The following IL20RB variants were observed in gnomAD, a reference collection of about 807,000 sequenced individuals.
The protein encoded by IL20RB is interleukin-20 receptor subunit beta.
IL20RB carries 21 observed loss-of-function variants against 33.3 expected under a neutral mutation model. That is an observed-to-expected ratio of 0.63 (90% CI 0.45 to 0.91). IL20RB has a LOEUF of 0.91. Among genes scored for constraint, IL20RB ranks in the 40% least tolerant of loss-of-function variants. The pLI is 0.00. For synonymous variants in IL20RB, 147 were observed against 146.8 expected (o/e 1.00, Z -0.01); for missense variants, 345 against 384.8 (o/e 0.90, Z 0.86).
intron 1 of IL20RB, among the ~76,000 whole-genome samples, chr3:136,973,373 C>T (rs936410525): frequency 6.6e-6 from 1 of 151,468 alleles, no homozygotes; most frequent in East Asian, 1.9e-4. Context: ...TGCCTGTAAT[C>T]CCAGCTACTC....
At chr3:136,970,222 G>A (rs1348582720) in intron 1 of IL20RB, among the ~76,000 whole-genome samples, 1 of 151,830 alleles carries the variant, frequency 6.6e-6, no homozygotes, top group South Asian at 2.1e-4. Flanking sequence ...CTCTGAAGTA[G>A]CTGGGACTGT....
chr3:136,988,744 G>GA lies in IL20RB; in HGVS notation c.407-688dup, dbSNP rs1487487310. On this transcript the variant is annotated intron_variant, in intron 3 of 6. Coordinates refer to ENST00000329582, the MANE Select transcript of IL20RB (RefSeq NM_144717.4). ...TGGGTGACAGAGTGAGACCCTGTCT[G>GA]AAAAAAAAAGAAACAAGAAAAAAAA... Among the ~76,000 whole-genome samples the GA allele has an allele frequency of 1.6e-4, 23 of 147,134 alleles. No individual in the cohort carries two copies. In the East Asian group the frequency reaches 1.6e-3, roughly 10 times the overall value.
chr3:136,979,180 C>G (rs1176775103), intron 1 of IL20RB, among the ~76,000 whole-genome samples: 2 of 152,054 alleles, frequency 1.3e-5, no homozygotes, highest in East Asian at 3.9e-4. Flanking sequence ...GGGTGGGGGT[C>G]AGGAAGACTG....
intron 5 of IL20RB, 33 bp downstream of exon 5, chr3:136,992,121 C>A: frequency 6.2e-7 from 1 of 1,609,344 alleles, no homozygotes; most frequent in Non-Finnish European, 8.5e-7. Flanking sequence ...TGGAGCCCTG[C>A]ACAGGTGATA....
Position 136,958,200 on chromosome 3 carries a change from A to G in IL20RB, c.87A>G (p.Thr29=). ...FFYALIPCLL[T]DEVAILPAPQ... is the part of the protein sequence containing the mutation. Reference sequence around the variant, plus strand: ...ACGCATTGATTCCATGTTTGCTCACAGGTAAGTATGAATTAGAATACATCC... The same window carrying G: ...ACGCATTGATTCCATGTTTGCTCACGGGTAAGTATGAATTAGAATACATCC... Residue 29 remains threonine, a splice_region_variant and synonymous_variant, in exon 1 of 7, where the codon ACA becomes ACG. Transcript: ENST00000329582. 1.3e-6 allele frequency: 2 copies of G among 1,588,990 alleles called. No homozygotes were observed. Among genetic ancestry groups the G allele is most frequent in the Non-Finnish European group, 1.7e-6 (2 of 1,157,252 alleles).
At chr3:136,982,100 C>T in intron 2 of IL20RB, 60 bp from the exon 3 acceptor site, 1 of 1,284,976 alleles carries the variant, frequency 7.8e-7, no homozygotes, top group Non-Finnish European at 1.1e-6. Context: ...TTACTTGCAA[C>T]CATAACTGAG....
At chr3:136,976,626 T>C (rs1941624782) in intron 1 of IL20RB, among the ~76,000 whole-genome samples, 1 of 152,196 alleles carries the variant, frequency 6.6e-6, no homozygotes, top group Non-Finnish European at 1.5e-5. Flanking sequence ...CTGCAGCCCA[T>C]GCCTCATTTG....
intron 6 of IL20RB, among the ~76,000 whole-genome samples, chr3:137,009,269 G>T (rs1359215601): frequency 6.6e-6 from 1 of 152,226 alleles, no homozygotes; most frequent in Admixed American, 6.5e-5. Flanking sequence ...AACTGTAGAA[G>T]AACCTAGAGA....
At chr3:137,007,307 C>A (rs982686564) in intron 6 of IL20RB, among the ~76,000 whole-genome samples, 1 of 152,102 alleles carries the variant, frequency 6.6e-6, no homozygotes, top group East Asian at 1.9e-4. Context: ...CTGGGAGAAC[C>A]ACTGCTCTCT....
intron 3 of IL20RB, among the ~76,000 whole-genome samples, chr3:136,982,917 C>T (rs189211383): frequency 7.2e-5 from 11 of 152,236 alleles, no homozygotes; most frequent in Admixed American, 6.5e-4. Flanking sequence ...TGGCTGAGTA[C>T]AAGCACTGGT....
At chr3:136,961,871 A>G (rs1273753658) in intron 1 of IL20RB, among the ~76,000 whole-genome samples, 1 of 152,224 alleles carries the variant, frequency 6.6e-6, no homozygotes, top group African/African-American at 2.4e-5. Context: ...TTAAAAATCT[A>G]TTAATAAAAA....
chr3:137,010,052 A>G (rs1933046344), intron 6 of IL20RB, 61 bp from the exon 7 acceptor site: 6 of 794,610 alleles, frequency 7.6e-6, no homozygotes, highest in South Asian at 7.5e-5. Context: ...ATGTAATAAT[A>G]TTCTTTAGTA....
In IL20RB at chr3:136,998,608, TA is replaced by T. The variant is rs1391966472; in HGVS notation, c.825+3053del. On this transcript the variant is annotated intron_variant, in intron 6 of 6. Coordinates refer to ENST00000329582, the MANE Select transcript of IL20RB (RefSeq NM_144717.4). ...TTATTTTGCTTTCATTCTTGAAGGATATTTTTGCTGGATTCTTGGTTGGCAA... is the reference window on the plus strand; with the variant it reads ...TTATTTTGCTTTCATTCTTGAAGGATTTTTTGCTGGATTCTTGGTTGGCAA... Among the ~76,000 whole-genome samples the T allele has an allele frequency of 5.3e-5, 8 of 151,974 alleles. No individual in the cohort carries two copies. In the South Asian group the frequency reaches 1.0e-3, roughly 20 times the overall value.
At chr3:136,987,560 T>C (rs1360803786) in intron 3 of IL20RB, among the ~76,000 whole-genome samples, 2 of 152,196 alleles carry the variant, frequency 1.3e-5, no homozygotes, top group Non-Finnish European at 2.9e-5. Flanking sequence ...CCGGTGGAGC[T>C]GCGTGCCAGT....
chr3:137,006,452 C>A (rs541094761), intron 6 of IL20RB, among the ~76,000 whole-genome samples: 1 of 152,136 alleles, frequency 6.6e-6, no homozygotes, highest in South Asian at 2.1e-4. Context: ...TTCTTGGAGG[C>A]TTTGTTCACT....
chr3:136,977,915 A>C (rs1000499011), intron 1 of IL20RB, among the ~76,000 whole-genome samples: 5 of 152,012 alleles, frequency 3.3e-5, no homozygotes, highest in African/African-American at 9.7e-5. Context: ...AAGTTTTACT[A>C]CTTCTTTTAT....
intron 3 of IL20RB, among the ~76,000 whole-genome samples, chr3:136,989,131 T>C (rs1321826044): frequency 6.6e-6 from 1 of 152,226 alleles, no homozygotes; most frequent in African/African-American, 2.4e-5. Context: ...GAGTTTTTAA[T>C]CACTTTTCTT....
intron 1 of IL20RB, among the ~76,000 whole-genome samples, chr3:136,972,491 C>T (rs1941511766): frequency 6.6e-6 from 1 of 151,982 alleles, no homozygotes; most frequent in African/African-American, 2.4e-5. Flanking sequence ...ACTCATTATC[C>T]ATCGTTAAGG....
rs563919581 is a variant in IL20RB, at chr3:136,961,399, G to A, written c.88+3198G>A. Among the ~76,000 whole-genome samples the A allele has an allele frequency of 2.3e-3, 348 of 151,816 alleles. 1 individual carries two copies. The highest frequency in any genetic ancestry group is 7.2e-3 in the African/African-American group (300 of 41,388). On this transcript the variant is annotated intron_variant, in intron 1 of 6. Coordinates refer to ENST00000329582, the MANE Select transcript of IL20RB (RefSeq NM_144717.4). ...CAAATGCACATTGGAATCACCTGGGGAACTTTTTAAAAGCTAAATTCCGTG... is the reference window on the plus strand; with the variant it reads ...CAAATGCACATTGGAATCACCTGGGAAACTTTTTAAAAGCTAAATTCCGTG...
Sources: gnomAD v4.1 joint callset for allele counts (sites outside exome capture counted in the v4.1 genomes callset) on GRCh38, gnomAD v4.1.1 for gene constraint, MANE v1.5 for transcripts, NCBI Gene and HGNC (gene_info 2026-07-23, HGNC 2026-07-21) for gene names.